AHRR: variants seen among roughly 807,000 people sequenced by gnomAD.
AHRR encodes aryl hydrocarbon receptor repressor, also known as ahR repressor.
A neutral mutation model predicts 44.0 loss-of-function variants in AHRR; 28 were observed. The ratio of observed to expected loss-of-function variants is 0.64; its 90% CI spans 0.47 to 0.87. AHRR has a LOEUF of 0.87. Ranked by LOEUF, AHRR falls within the 40% of genes least tolerant of loss-of-function variation. AHRR has a pLI of 0.00. For synonymous variants in AHRR, 434 were observed against 407.0 expected (o/e 1.07, Z -0.80); for missense variants, 990 against 953.9 (o/e 1.04, Z -0.50).
chr5:332,934 T>C (rs1741982161), intron 1 of AHRR, among the ~76,000 whole-genome samples: 1 of 122,666 alleles, frequency 8.2e-6, no homozygotes, highest in Non-Finnish European at 2.0e-5. Flanking sequence ...TTTGTCTTTT[T>C]TTTTTTTTTT....
At chr5:327,285 T>A (rs963146967) in intron 1 of AHRR, among the ~76,000 whole-genome samples, 1 of 152,208 alleles carries the variant, frequency 6.6e-6, no homozygotes, top group Non-Finnish European at 1.5e-5. Context: ...ATGCATAGAT[T>A]GCATAGTGAT....
intron 4 of AHRR, among the ~76,000 whole-genome samples, chr5:385,465 A>G (rs1320870112): frequency 2.0e-5 from 3 of 152,170 alleles, no homozygotes; most frequent in Non-Finnish European, 1.5e-5. Flanking sequence ...ATAAACCACC[A>G]TGCCCAGCTT....
chr5:416,524 T>C (rs1313822830), intron 5 of AHRR, among the ~76,000 whole-genome samples: 1 of 152,212 alleles, frequency 6.6e-6, no homozygotes, highest in African/African-American at 2.4e-5. Context: ...TGTCATCTCC[T>C]GATGCGCCCT....
chr5:344,885 A>T (rs1339691292), intron 2 of AHRR, among the ~76,000 whole-genome samples: 2 of 98,446 alleles, frequency 2.0e-5, no homozygotes, highest in Non-Finnish European at 3.8e-5. Flanking sequence ...CAGGTGTGCG[A>T]AGCTGTGTGA....
rs959992285 is a variant in AHRR at position 425,647 on chromosome 5, C to G, written c.708+1670C>G. ...TTAAAAACTCTTATTTCTAGGTGACCCAAAATTGGAAGGATTTTACTGTGC... is the reference window on the plus strand; with the variant it reads ...TTAAAAACTCTTATTTCTAGGTGACGCAAAATTGGAAGGATTTTACTGTGC... On this transcript the variant is annotated intron_variant, in intron 7 of 10. Transcript: ENST00000684583. Among the ~76,000 whole-genome samples the G allele has an allele frequency of 5.3e-5, 8 of 152,016 alleles. No homozygotes were observed. In the South Asian group the frequency reaches 1.7e-3, roughly 32 times the overall value.
intron 2 of AHRR, 96 bp downstream of exon 2, chr5:344,060 A>C: frequency 2.2e-6 from 3 of 1,345,186 alleles, no homozygotes; most frequent in Non-Finnish European, 3.0e-6. Flanking sequence ...GAACAGGGCG[A>C]GCGAGGAAGG....
intron 8 of AHRR, among the ~76,000 whole-genome samples, chr5:429,789 T>C (rs1479719531): frequency 1.3e-5 from 2 of 152,310 alleles, no homozygotes; most frequent in East Asian, 3.9e-4. Flanking sequence ...CCAGGAGTGA[T>C]TGGCTGAGGC....
intron 4 of AHRR, among the ~76,000 whole-genome samples, chr5:410,439 T>C (rs374319832): frequency 5.3e-4 from 80 of 152,292 alleles, no homozygotes; most frequent in African/African-American, 1.9e-3. Flanking sequence ...CTTGAACTGC[T>C]GGGCTCAAGC....
chr5:399,470 T>G (rs1734916353), intron 4 of AHRR, among the ~76,000 whole-genome samples: 1 of 152,222 alleles, frequency 6.6e-6, no homozygotes, highest in African/African-American at 2.4e-5. Context: ...AGACGTCAGA[T>G]TGCCTGTCCA....
At chr5:322,524 C>A (rs986795123) in intron 1 of AHRR, 3 of 151,980 alleles carry the variant, frequency 2.0e-5, no homozygotes, top group African/African-American at 7.2e-5. Flanking sequence ...GCCTCCTGTG[C>A]GCGCGCACAG....
chr5:415,576 CTGCT>C (rs1560916219), intron 5 of AHRR, among the ~76,000 whole-genome samples: 16 of 127,054 alleles, frequency 1.3e-4, no homozygotes, highest in Non-Finnish European at 2.1e-4. Flanking sequence ...TCTGCCTGGT[CTGCT>C]GGGAGGCCTA....
Position 423,847 on chromosome 5 carries a change from A to G in AHRR, c.578A>G (p.Asp193Gly), listed in dbSNP as rs758409180. 1.2e-6 allele frequency: 2 copies of G among 1,602,978 alleles called. No homozygotes were observed. Among genetic ancestry groups the G allele is most frequent in the Non-Finnish European group, 1.7e-6 (2 of 1,178,128 alleles). ...TGGCCCCTATGGTCTGCAGGAGATG[A>G]TGCTATCCTGGGGAGGCTGCTCAGG... ...GQPPPLETGD[D>G]AILGRLLRAQ... The change falls in exon 7 of 11, where the codon GAT becomes GGT. Residue 193 changes from aspartate (D) to glycine (G), a missense_variant. Transcript: ENST00000684583.
chr5:380,577 T>G (rs1427108688), intron 4 of AHRR, among the ~76,000 whole-genome samples: 1 of 152,232 alleles, frequency 6.6e-6, no homozygotes, highest in Non-Finnish European at 1.5e-5. Context: ...TTTATATTTT[T>G]GTTCTTAATG....
At chr5:360,985 C>T (rs527784076) in intron 3 of AHRR, among the ~76,000 whole-genome samples, 16 of 152,236 alleles carry the variant, frequency 1.1e-4, no homozygotes, top group South Asian at 4.2e-4. Flanking sequence ...GGTACGGTGG[C>T]GCACACCTGT....
At chr5:376,557 A>AAGCGTGGGGTGAAC in intron 3 of AHRR, 53 bp from the exon 4 acceptor site, 1 of 1,423,184 alleles carries the variant, frequency 7.0e-7, no homozygotes, top group Non-Finnish European at 9.5e-7. Flanking sequence ...AATGAAGAAG[A>AAGCGTGGGGTGAAC]GTGGCCAGGC....
intron 5 of AHRR, among the ~76,000 whole-genome samples, chr5:415,697 C>CCGAGTCTGCCTGGTCGGGCG: frequency 2.0e-5 from 3 of 151,546 alleles, no homozygotes; most frequent in East Asian, 4.0e-4. Flanking sequence ...GGCCTAGGGG[C>CCGAGTCTGCCTGGTCGGGCG]GGAGTCTGCC....
chr5:333,003 C>T (rs1030433961), intron 1 of AHRR, among the ~76,000 whole-genome samples: 3 of 141,874 alleles, frequency 2.1e-5, no homozygotes, highest in South Asian at 2.2e-4. Flanking sequence ...TACTGCTGTT[C>T]GCTTTTGGTT....
chr5:346,849 G>A (rs7727676), intron 2 of AHRR, among the ~76,000 whole-genome samples: 14,633 of 152,190 alleles, frequency 0.096, 2,260 homozygotes, highest in African/African-American at 0.32. Flanking sequence ...TTGCTGTGCC[G>A]TGAGTAGTAA....
intron 1 of AHRR, among the ~76,000 whole-genome samples, chr5:324,160 A>C (rs993865069): frequency 6.6e-6 from 1 of 151,508 alleles, no homozygotes; most frequent in African/African-American, 2.4e-5. Context: ...CCCAGGTTCA[A>C]GCAATTCTCC....
Sources: gnomAD v4.1 joint callset for allele counts (sites outside exome capture counted in the v4.1 genomes callset) on GRCh38, gnomAD v4.1.1 for gene constraint, MANE v1.5 for transcripts, NCBI Gene and HGNC (gene_info 2026-07-23, HGNC 2026-07-21) for gene names.